Variants in TRAPPC9 observed in about 807,000 individuals in gnomAD.
TRAPPC9 encodes IKK2 binding protein.
A neutral mutation model predicts 124.0 loss-of-function variants in TRAPPC9; 83 were observed. The ratio of observed to expected loss-of-function variants is 0.67; its 90% confidence interval spans 0.56 to 0.80. TRAPPC9 has a LOEUF of 0.80. TRAPPC9 is among the 30% of genes least tolerant of loss of function. TRAPPC9 has a pLI of 0.00. For missense variants in TRAPPC9, 1,302 were observed against 1,508.3 expected (o/e 0.86, Z 2.27); for synonymous variants, 638 against 617.5 (o/e 1.03, Z -0.49).
intron 7 of TRAPPC9, among the ~76,000 whole-genome samples, chr8:140,377,875 G>C (rs181130981): frequency 6.6e-6 from 1 of 151,890 alleles, no homozygotes; most frequent in Non-Finnish European, 1.5e-5. Context: ...CAGGTGAATC[G>C]CTTGAACCCG....
chr8:140,023,712 C>A (rs531679084), intron 18 of TRAPPC9, among the ~76,000 whole-genome samples: 2 of 152,180 alleles, frequency 1.3e-5, no homozygotes, highest in South Asian at 4.1e-4. Context: ...GATTACAGCA[C>A]GGCGTGATAT....
rs531304416 is a variant in TRAPPC9 at position 139,779,753 on chromosome 8, G to A, written c.3056-47551C>T. Among the ~76,000 whole-genome samples the A allele has an allele frequency of 3.3e-5, 5 of 152,086 alleles. No individual in the cohort carries two copies. In the South Asian group the frequency reaches 1.0e-3, roughly 32 times the overall value. On this transcript the variant is annotated intron_variant, in intron 21 of 22. Coordinates refer to ENST00000438773, the MANE Select transcript of TRAPPC9 (RefSeq NM_001160372.4). Reference sequence around the variant, plus strand: ...AACTATCTTTGTTCATAGATGACATGGTTGTCTATTAGAAAATCTAAAAGA... The same window carrying A: ...AACTATCTTTGTTCATAGATGACATAGTTGTCTATTAGAAAATCTAAAAGA...
chr8:140,418,771 T>C (rs72692389), intron 5 of TRAPPC9, among the ~76,000 whole-genome samples: 20,990 of 130,678 alleles, frequency 0.16, 2,094 homozygotes, highest in East Asian at 0.29. Flanking sequence ...GATAGATAGA[T>C]AGACAGACAG....
intron 15 of TRAPPC9, among the ~76,000 whole-genome samples, chr8:140,255,428 G>A (rs1426623852): frequency 6.6e-6 from 1 of 152,214 alleles, no homozygotes; most frequent in African/African-American, 2.4e-5. Flanking sequence ...CACCTTGGAT[G>A]GTGTTCAGAT....
rs138728923 is a variant in TRAPPC9, at chr8:139,919,174, G to A, written c.2811-8874C>T. 8.0e-3 allele frequency among the ~76,000 whole-genome samples: 1,221 copies of A among 152,326 alleles called. 20 individuals carry two copies. The highest frequency in any genetic ancestry group is 0.028 in the African/African-American group (1,172 of 41,550). On this transcript the variant is annotated intron_variant, in intron 19 of 22. Coordinates refer to ENST00000438773, the MANE Select transcript of TRAPPC9 (RefSeq NM_001160372.4). The stretch of plus-strand genomic sequence containing the variant: ...GGGGTGCTGTGCCGAGGAAGGGCAT[G>A]GGCTTGCAGCAACACGGACTGGAGC...
intron 21 of TRAPPC9, among the ~76,000 whole-genome samples, chr8:139,870,679 G>A (rs1828844227): frequency 6.6e-6 from 1 of 152,150 alleles, no homozygotes; most frequent in South Asian, 2.1e-4. Flanking sequence ...AGCTGTCACA[G>A]GACACCATTA....
chr8:140,126,121 G>C (rs551257968), intron 17 of TRAPPC9, among the ~76,000 whole-genome samples: 1 of 151,988 alleles, frequency 6.6e-6, no homozygotes, highest in African/African-American at 2.4e-5. Flanking sequence ...TTTGCGGTAC[G>C]TAACTTCTTC....
chr8:139,881,769 A>G (rs1470524108), intron 21 of TRAPPC9, among the ~76,000 whole-genome samples: 3 of 151,634 alleles, frequency 2.0e-5, no homozygotes, highest in Non-Finnish European at 4.4e-5. Context: ...CAAATTCTCC[A>G]AGAACAGAGA....
chr8:139,801,103 G>C (rs1823493100), intron 21 of TRAPPC9, among the ~76,000 whole-genome samples: 1 of 151,676 alleles, frequency 6.6e-6, no homozygotes, highest in Admixed American at 6.6e-5. Flanking sequence ...CCTCCCTCTG[G>C]TATCTTCCCT....
intron 8 of TRAPPC9, among the ~76,000 whole-genome samples, chr8:140,363,222 C>G (rs2068008143): frequency 2.0e-5 from 3 of 152,208 alleles, no homozygotes; most frequent in Non-Finnish European, 4.4e-5. Flanking sequence ...TACAGCAACA[C>G]AAATAAGATT....
At chr8:140,227,075 G>A (rs1192361030) in intron 16 of TRAPPC9, among the ~76,000 whole-genome samples, 1 of 152,158 alleles carries the variant, frequency 6.6e-6, no homozygotes, top group South Asian at 2.1e-4. Context: ...GGACAGGTAG[G>A]AGGCAGAAGC....
At chr8:139,738,516 G>C (rs1818347794) in intron 21 of TRAPPC9, among the ~76,000 whole-genome samples, 1 of 152,226 alleles carries the variant, frequency 6.6e-6, no homozygotes, top group African/African-American at 2.4e-5. Context: ...GGAGGCAGGA[G>C]AGGGGCACAC....
At chr8:140,446,802 G>A (rs1428740320) in intron 2 of TRAPPC9, among the ~76,000 whole-genome samples, 1 of 152,000 alleles carries the variant, frequency 6.6e-6, no homozygotes, top group Non-Finnish European at 1.5e-5. Context: ...AAAGTGCTGG[G>A]ATTACAGATG....
At chr8:140,147,903 G>T (rs375645570) in intron 17 of TRAPPC9, among the ~76,000 whole-genome samples, 1 of 152,246 alleles carries the variant, frequency 6.6e-6, no homozygotes, top group Non-Finnish European at 1.5e-5. Context: ...TTGCCACCTC[G>T]TGCCAGGCAC....
chr8:140,075,219 T>TACC (rs1199669018), intron 17 of TRAPPC9, among the ~76,000 whole-genome samples: 2 of 152,202 alleles, frequency 1.3e-5, no homozygotes, highest in Non-Finnish European at 2.9e-5. Context: ...TACCGACACC[T>TACC]ACCACACTAG....
chr8:140,236,349 C>T (rs1211253019), intron 16 of TRAPPC9, among the ~76,000 whole-genome samples: 1 of 152,210 alleles, frequency 6.6e-6, no homozygotes, highest in Non-Finnish European at 1.5e-5. Context: ...TCCCAAAGTG[C>T]TGGGATTGCA....
chr8:140,136,419 G>A (rs2061304570), intron 17 of TRAPPC9, among the ~76,000 whole-genome samples: 1 of 152,150 alleles, frequency 6.6e-6, no homozygotes, highest in African/African-American at 2.4e-5. Context: ...CCATCTTCAT[G>A]GGGCCTTACT....
intron 17 of TRAPPC9, among the ~76,000 whole-genome samples, chr8:140,127,620 T>C (rs1587764917): frequency 6.6e-6 from 1 of 152,238 alleles, no homozygotes; most frequent in Admixed American, 6.5e-5. Context: ...TGCAGGGTTT[T>C]TTATAAACCA....
At chr8:140,259,756 C>G (rs1190034962) in intron 15 of TRAPPC9, among the ~76,000 whole-genome samples, 1 of 152,162 alleles carries the variant, frequency 6.6e-6, no homozygotes, top group Non-Finnish European at 1.5e-5. Context: ...TAACCCTGTC[C>G]CTGGCATTCA....
Sources: gnomAD v4.1 joint callset for allele counts (sites outside exome capture counted in the v4.1 genomes callset) on GRCh38, gnomAD v4.1.1 for gene constraint, MANE v1.5 for transcripts, NCBI Gene and HGNC (gene_info 2026-07-23, HGNC 2026-07-21) for gene names.